The following CCDC191 variants were observed in gnomAD, a reference collection of about 807,000 sequenced individuals.
CCDC191 encodes the protein coiled-coil domain containing 191.
A neutral mutation model predicts 114.0 loss-of-function variants in CCDC191; 99 were observed. That is an observed-to-expected ratio of 0.87 (90% CI 0.74 to 1.03). CCDC191 has a LOEUF of 1.03. Ranked by LOEUF, CCDC191 falls within the 50% of genes least tolerant of loss-of-function variation. CCDC191 has a pLI of 0.00. For missense variants in CCDC191, 973 were observed against 1,087.0 expected (o/e 0.90, Z 1.47); for synonymous variants, 351 against 376.0 (o/e 0.93, Z 0.77).
chr3:113,972,245 TA>T, intron 16 of CCDC191, among the ~76,000 whole-genome samples: 1 of 152,244 alleles, frequency 6.6e-6, no homozygotes, highest in East Asian at 1.9e-4. Flanking sequence ...TTACTGCTTT[TA>T]CTATAACCTA....
At chr3:114,010,648 G>A in intron 9 of CCDC191, 124 bp downstream of exon 9, 1 of 801,296 alleles carries the variant, frequency 1.2e-6, no homozygotes, top group Non-Finnish European at 2.0e-6. Context: ...CTGAAAGGTA[G>A]TGCATTGAGG....
Position 114,027,341 on chromosome 3 carries a change from C to T in CCDC191, c.972+4285G>A, listed in dbSNP as rs144325993. Among the ~76,000 whole-genome samples, 181 of 152,206 alleles carry T rather than the reference C, an allele frequency of 1.2e-3. 1 individual carries two copies. Among genetic ancestry groups the T allele is most frequent in the African/African-American group, 4.0e-3 (165 of 41,530 alleles). On this transcript the variant is annotated intron_variant, in intron 7 of 16. Transcript: ENST00000295878. ...AAATAAAATCCAGAATTAGGCCGGGCGTGGTGGCTCATGCCTGTAATCCCG... is the reference window on the plus strand; with the variant it reads ...AAATAAAATCCAGAATTAGGCCGGGTGTGGTGGCTCATGCCTGTAATCCCG...
chr3:113,972,867 G>A (rs776667930), intron 16 of CCDC191, among the ~76,000 whole-genome samples: 4 of 152,088 alleles, frequency 2.6e-5, no homozygotes, highest in East Asian at 3.8e-4. Flanking sequence ...TCTGATATAA[G>A]TATAGCTATT....
At chr3:113,997,144 A>G (rs927803191) in intron 13 of CCDC191, among the ~76,000 whole-genome samples, 2 of 152,110 alleles carry the variant, frequency 1.3e-5, no homozygotes, top group Non-Finnish European at 1.5e-5. Context: ...CTTTACATCT[A>G]TCCTGGGGTT....
chr3:113,965,766 T>G (rs1416371190), intron 16 of CCDC191, among the ~76,000 whole-genome samples: 1 of 152,072 alleles, frequency 6.6e-6, no homozygotes, highest in African/African-American at 2.4e-5. Flanking sequence ...ATTTTTTTTT[T>G]GTATTTTTAT....
chr3:114,040,081 T>G lies in CCDC191; in HGVS notation c.415+2622A>C, dbSNP rs988219624. 6.6e-5 allele frequency among the ~76,000 whole-genome samples: 10 copies of G among 152,324 alleles called. 1 individual carries two copies. The South Asian group carries it at 1.0e-3, about 16-fold the overall frequency. On this transcript the variant is annotated intron_variant, in intron 4 of 16. Transcript: ENST00000295878. ...TACAGGTGTCCCATTTTTTACCCTTTATATACTGCATATGTACTGTACCTT... is the reference window on the plus strand; with the variant it reads ...TACAGGTGTCCCATTTTTTACCCTTGATATACTGCATATGTACTGTACCTT...
chr3:113,997,403 C>T (rs1200933647), intron 13 of CCDC191, among the ~76,000 whole-genome samples: 1 of 152,120 alleles, frequency 6.6e-6, no homozygotes, highest in East Asian at 1.9e-4. Context: ...ATATTACCTA[C>T]CTCCAACTGC....
chr3:114,035,043 C>G lies in CCDC191; in HGVS notation c.700G>C (p.Glu234Gln), dbSNP rs142468996. Residue 234 changes from glutamate to glutamine, a missense_variant, in exon 6 of 17, where the codon GAG becomes CAG. By Grantham distance (29) the Glu-to-Gln change is conservative (BLOSUM62 2). Coordinates refer to ENST00000295878, the MANE Select transcript of CCDC191 (RefSeq NM_020817.2). The stretch of plus-strand genomic sequence containing the variant: ...GCCTCCAGAGCCTTCCTTTTCTTCT[C>G]TTCTTGCACCAGACACTGAGCCTCC... ...FLEAQCLVQE[E>Q]KKRKALEAKK... 6.8e-6 allele frequency: 11 copies of G among 1,614,140 alleles called. No individual in the cohort carries two copies. In the East Asian group the frequency reaches 2.5e-4, roughly 36 times the overall value.
At chr3:113,995,484 CTG>C (rs1233587433) in intron 13 of CCDC191, among the ~76,000 whole-genome samples, 1 of 152,092 alleles carries the variant, frequency 6.6e-6, no homozygotes, top group Non-Finnish European at 1.5e-5. Context: ...GGAATGTACC[CTG>C]TGACAAATGA....
intron 9 of CCDC191, among the ~76,000 whole-genome samples, chr3:114,006,930 G>A (rs1422102326): frequency 6.6e-6 from 1 of 151,236 alleles, no homozygotes; most frequent in Non-Finnish European, 1.5e-5. Flanking sequence ...GGAAGCTCAG[G>A]ATCACTGGGC....
chr3:114,027,459 C>CA (rs11415382), intron 7 of CCDC191, among the ~76,000 whole-genome samples: 152,175 of 152,182 alleles, frequency 1, 76,084 homozygotes, highest in Middle Eastern at 1. Flanking sequence ...ACTAAAGATA[C>CA]AAAAATTAGC....
chr3:114,017,229 C>T lies in CCDC191; in HGVS notation c.1163+1449G>A, dbSNP rs1444176821. On this transcript the variant is annotated intron_variant, in intron 8 of 16. Transcript: ENST00000295878. ...TCTCCAGCCAATCCAGATGGCTATG[C>T]TTCATGCCATCATCCCAGTCTCCCC... Among the ~76,000 whole-genome samples, 3 of 151,650 alleles carry T rather than the reference C, an allele frequency of 2.0e-5. No individual in the cohort carries two copies. In the East Asian group the frequency reaches 5.8e-4, roughly 29 times the overall value.
intron 7 of CCDC191, among the ~76,000 whole-genome samples, chr3:114,025,433 A>G (rs553267806): frequency 6.6e-6 from 1 of 152,282 alleles, no homozygotes; most frequent in Admixed American, 6.5e-5. Flanking sequence ...ATATTGTATC[A>G]TGTTATCCAT....
At position 114,002,527 on chromosome 3, in the gene CCDC191, T is replaced by C; in HGVS notation, c.1990A>G (p.Arg664Gly). Residue 664 changes from arginine to glycine, a missense_variant, in exon 12 of 17, where the codon AGA (arginine) becomes GGA (glycine). Coordinates refer to ENST00000295878, the MANE Select transcript of CCDC191 (RefSeq NM_020817.2). ...PHPILKAMEE[R>G]AIQRAECRRI... ...CTACATTCAGCTCGTTGAATTGCTCTCTCTTCCATAGCTAGAAAATAGTAA... is the reference window on the plus strand; with the variant it reads ...CTACATTCAGCTCGTTGAATTGCTCCCTCTTCCATAGCTAGAAAATAGTAA... 2 of 1,609,126 alleles carry C rather than the reference T, an allele frequency of 1.2e-6. No individual in the cohort carries two copies. Among genetic ancestry groups the C allele is most frequent in the Non-Finnish European group, 1.7e-6 (2 of 1,177,896 alleles).
In CCDC191 at chr3:114,035,103, T is replaced by C. The variant is rs986254245; in HGVS notation, c.640A>G (p.Arg214Gly). The C allele has an allele frequency of 1.2e-5, 19 of 1,613,946 alleles. No homozygotes were observed. The highest frequency in any genetic ancestry group is 1.5e-5 in the Non-Finnish European group (18 of 1,179,990). The change falls in exon 6 of 17, where the codon AGA (arginine) becomes GGA (glycine). Residue 214 changes from arginine to glycine, a missense_variant. Transcript: ENST00000295878. ...GATTTTTTCAGGGTCTTTTCTATTC[T>C]CTGGTACTCCAGTTCTTTCTCACGT... ...LRREKELEYQ[R>G]IEKTLKKSAF...
At chr3:114,056,015 C>CA (rs200734292) in intron 1 of CCDC191, among the ~76,000 whole-genome samples, 15,271 of 116,376 alleles carry the variant, frequency 0.13, 841 homozygotes, top group East Asian at 0.19. Flanking sequence ...CCAAGATTTG[C>CA]AAAAAAAAAA....
chr3:114,036,866 T>A (rs1213959624), intron 4 of CCDC191, 80 bp from the exon 5 acceptor site: 1 of 904,218 alleles, frequency 1.1e-6, no homozygotes, highest in East Asian at 3.1e-5. Flanking sequence ...ACATAAAGAA[T>A]CCTAGTACAA....
intron 13 of CCDC191, among the ~76,000 whole-genome samples, chr3:114,001,276 T>C (rs2075851140): frequency 6.6e-6 from 1 of 152,064 alleles, no homozygotes; most frequent in African/African-American, 2.4e-5. Flanking sequence ...AAAACAGCCA[T>C]AAAACAAATG....
At chr3:114,002,140 T>TC (rs2107658400) in intron 12 of CCDC191, among the ~76,000 whole-genome samples, 1 of 152,332 alleles carries the variant, frequency 6.6e-6, no homozygotes, top group South Asian at 2.1e-4. Context: ...ATAAGAACTA[T>TC]CCCTCTTTGC....
Sources: allele counts gnomAD v4.1 joint callset (sites outside exome capture counted in the v4.1 genomes callset), GRCh38; gene constraint gnomAD v4.1.1; transcripts MANE v1.5; gene names NCBI Gene and HGNC (gene_info 2026-07-23, HGNC 2026-07-21).